The following MAF variants were observed in gnomAD, a reference collection of about 807,000 sequenced individuals.
MAF encodes transcription factor Maf.
A neutral mutation model predicts 22.0 loss-of-function variants in MAF; 10 were observed. The ratio of observed to expected loss-of-function variants is 0.45; its 90% confidence interval spans 0.28 to 0.77. The LOEUF is 0.77. Among genes scored for constraint, MAF ranks in the 30% least tolerant of loss-of-function variants. The probability of loss-of-function intolerance (pLI) is 0.12; values close to 1 mark genes in which losing one functional copy is unlikely to be tolerated. For synonymous variants in MAF, 337 were observed against 255.8 expected (o/e 1.32, Z -3.03); for missense variants, 544 against 548.4 (o/e 0.99, Z 0.08).
At chr16:79,290,969 T>C in the MAF span, among the ~76,000 whole-genome samples, 1 of 152,132 alleles carries the variant, frequency 6.6e-6, no homozygotes, top group Non-Finnish European at 1.5e-5. Context: ...ATGTGATGCT[T>C]ATTCACAATG....
At chr16:79,330,487 G>A in the MAF span, among the ~76,000 whole-genome samples, 4 of 152,158 alleles carry the variant, frequency 2.6e-5, no homozygotes, top group Admixed American at 6.5e-5. Context: ...GAATGCTCTG[G>A]CCATGATCAT....
At chr16:79,260,620 A>G in the MAF span, among the ~76,000 whole-genome samples, 5 of 152,192 alleles carry the variant, frequency 3.3e-5, no homozygotes, top group African/African-American at 1.2e-4. Context: ...ATTACTCAAC[A>G]AAGAGCTCTT....
At chr16:79,332,747 C>T in the MAF span, among the ~76,000 whole-genome samples, 1 of 152,176 alleles carries the variant, frequency 6.6e-6, no homozygotes, top group African/African-American at 2.4e-5. Flanking sequence ...AACTGAGGCA[C>T]AGTCTGACGA....
chr16:79,591,542 G>C (rs547172843), downstream of MAF, among the ~76,000 whole-genome samples: 2 of 152,322 alleles, frequency 1.3e-5, no homozygotes, highest in South Asian at 2.1e-4. Flanking sequence ...GAGAAGAGGT[G>C]CTCAATAGAG....
At chr16:79,246,287 C>G in the MAF span, among the ~76,000 whole-genome samples, 122 of 152,246 alleles carry the variant, frequency 8.0e-4, 1 homozygote, top group Non-Finnish European at 1.6e-3. Flanking sequence ...TTTGGACTGT[C>G]TAAATTTAGA....
the MAF span, among the ~76,000 whole-genome samples, chr16:79,261,953 A>G: frequency 1.2e-4 from 18 of 152,296 alleles, no homozygotes; most frequent in Middle Eastern, 0.01. Context: ...AGTTGCTCAT[A>G]TGGACTTTTC....
At chr16:79,598,281 A>G in intron 1 of MAF, 4 of 1,071,780 alleles carry the variant, frequency 3.7e-6, no homozygotes, top group Non-Finnish European at 4.5e-6. Context: ...AAAAATCCAA[A>G]CAAAATAAAA....
At chr16:79,248,714 G>A in the MAF span, among the ~76,000 whole-genome samples, 1 of 152,012 alleles carries the variant, frequency 6.6e-6, no homozygotes, top group African/African-American at 2.4e-5. Flanking sequence ...CTGGGAACAT[G>A]GTTTCATGCT....
the MAF span, among the ~76,000 whole-genome samples, chr16:79,565,360 C>T: frequency 0.049 from 7,454 of 152,222 alleles, 273 homozygotes; most frequent in Middle Eastern, 0.095. Context: ...TGATTGACTA[C>T]CTGGCCATTT....
the MAF span, among the ~76,000 whole-genome samples, chr16:79,492,361 A>G: frequency 1.6e-4 from 25 of 152,138 alleles, no homozygotes; most frequent in Admixed American, 4.6e-4. Context: ...CAAATGCAAA[A>G]CAATCCATGA....
At chr16:79,409,840 T>A in the MAF span, among the ~76,000 whole-genome samples, 1 of 152,160 alleles carries the variant, frequency 6.6e-6, no homozygotes, top group Admixed American at 6.5e-5. Context: ...TCTGCACTAA[T>A]CCCATAGCCA....
the MAF span, among the ~76,000 whole-genome samples, chr16:79,309,702 G>A: frequency 1.3e-4 from 20 of 152,270 alleles, no homozygotes; most frequent in Middle Eastern, 3.4e-3. Flanking sequence ...TGTGCTCCCT[G>A]TATTAAACTT....
the MAF span, among the ~76,000 whole-genome samples, chr16:79,470,576 T>A: frequency 3.3e-5 from 5 of 152,236 alleles, no homozygotes; most frequent in South Asian, 4.1e-4. Flanking sequence ...ATTCAGGTAC[T>A]GTGCTAAGCA....
chr16:79,274,470 A>T, the MAF span, among the ~76,000 whole-genome samples: 5 of 152,138 alleles, frequency 3.3e-5, no homozygotes, highest in Non-Finnish European at 7.4e-5. Context: ...ATGCACTAGG[A>T]GCTGCACCCT....
the MAF span, among the ~76,000 whole-genome samples, chr16:79,389,004 G>A: frequency 2.0e-5 from 3 of 152,072 alleles, no homozygotes; most frequent in African/African-American, 7.2e-5. Context: ...GTGTTTCCAG[G>A]GCACGAAATA....
the MAF span, among the ~76,000 whole-genome samples, chr16:79,266,626 A>G: frequency 3.3e-5 from 5 of 152,248 alleles, no homozygotes; most frequent in Non-Finnish European, 1.5e-5. Context: ...TATTACTTAT[A>G]TAAGAATTAA....
the MAF span, among the ~76,000 whole-genome samples, chr16:79,227,912 A>G: frequency 1.1e-4 from 16 of 152,192 alleles, no homozygotes; most frequent in African/African-American, 3.6e-4. Context: ...ACCTTTTCAG[A>G]AAAATCTTTG....
chr16:79,590,223 G>C (rs139611524), downstream of MAF, among the ~76,000 whole-genome samples: 1,638 of 152,246 alleles, frequency 0.011, 25 homozygotes, highest in African/African-American at 0.037. Flanking sequence ...GGGATGATGG[G>C]GGGGCATGGA....
At chr16:79,330,022 C>A in the MAF span, among the ~76,000 whole-genome samples, 1 of 151,904 alleles carries the variant, frequency 6.6e-6, no homozygotes, top group Non-Finnish European at 1.5e-5. Context: ...AAAAATTCAA[C>A]CTTACTGATT....
Sources: allele counts gnomAD v4.1 joint callset (sites outside exome capture counted in the v4.1 genomes callset), GRCh38; gene constraint gnomAD v4.1.1; transcripts MANE v1.5; gene names NCBI Gene and HGNC (gene_info 2026-07-23, HGNC 2026-07-21).